The following TNFRSF10B variants were observed in gnomAD, a reference collection of about 807,000 sequenced individuals.
TNFRSF10B encodes tumor necrosis factor receptor superfamily member 10B.
Under a neutral mutation model 41.4 loss-of-function variants are expected in TNFRSF10B, and 35 were observed. That is an observed-to-expected ratio of 0.85 (90% CI 0.65 to 1.12). The LOEUF (loss-of-function observed/expected upper bound fraction) is 1.12. TNFRSF10B is among the 50% of genes most tolerant of loss of function. The pLI is 0.00. For synonymous variants in TNFRSF10B, 230 were observed against 215.5 expected (o/e 1.07, Z -0.59); for missense variants, 584 against 552.7 (o/e 1.06, Z -0.57).
rs1563302814 is a variant in TNFRSF10B at position 23,021,843 on chromosome 8, C to T, written c.*828G>A. 1 of 454,032 alleles carries T rather than the reference C, an allele frequency of 2.2e-6. No individual in the cohort carries two copies. Among genetic ancestry groups the T allele is most frequent in the African/African-American group, 2.0e-5 (1 of 50,014 alleles). 28.1% of individuals were successfully genotyped at this position (454,032 alleles called of 1,614,324 possible). A position where few individuals can be genotyped will look rare whatever the true frequency, so the allele number is the denominator to read the frequency against. On this transcript the variant is annotated 3_prime_UTR_variant, in exon 9 of 9. Transcript: ENST00000276431. ...GACATCTTACAGGGGACTTCTTCTTCTTCCCCCATTGTATGTCTCCTCCTT... is the reference window on the plus strand; with the variant it reads ...GACATCTTACAGGGGACTTCTTCTTTTTCCCCCATTGTATGTCTCCTCCTT...
At chr8:23,066,974 GCTTT>G (rs781368265) in intron 1 of TNFRSF10B, among the ~76,000 whole-genome samples, 24 of 151,890 alleles carry the variant, frequency 1.6e-4, no homozygotes, top group South Asian at 4.2e-4. Context: ...CTCTGTTGTG[GCTTT>G]CTTTCTTTCT....
In TNFRSF10B at chr8:23,043,210, C is replaced by T; in HGVS notation, c.178G>A (p.Asp60Asn). ...GCCGCTCTCTGCTGGGGAGCTAGGT[C>T]TTGTTGGGTGATCAGAGCAGACTCA... is the stretch of plus-strand genomic sequence containing the variant. ...SAESALITQQDLAPQQRAAPQ... is the reference protein window; with the variant it reads ...SAESALITQQNLAPQQRAAPQ... The change falls in exon 2 of 9, where the codon GAC becomes AAC. Residue 60 changes from aspartate to asparagine, a missense_variant. Transcript: ENST00000276431. 1.2e-6 allele frequency: 2 copies of T among 1,614,140 alleles called. No individual in the cohort carries two copies. The highest frequency in any genetic ancestry group is 1.7e-6 in the Non-Finnish European group (2 of 1,180,028).
In TNFRSF10B at chr8:23,042,917, A is replaced by G. The variant is rs977412065; in HGVS notation, c.250+221T>C. The stretch of plus-strand genomic sequence containing the variant: ...ACCAGCCCCATCTCTGTCCCACTCA[A>G]TTCTCTCTCAAGGTTCCTATCAGTT... On this transcript the variant is annotated intron_variant, in intron 2 of 8. Transcript: ENST00000276431. 17 of 520,602 alleles carry G rather than the reference A, an allele frequency of 3.3e-5. No individual in the cohort carries two copies. In the Admixed American group the frequency reaches 4.8e-4, roughly 15 times the overall value. The allele number at this position is 520,602 out of a possible 1,614,324, so 32.2% of individuals were successfully genotyped here.
intron 1 of TNFRSF10B, among the ~76,000 whole-genome samples, chr8:23,064,740 CTCT>C (rs535225964): frequency 7.7e-4 from 118 of 152,294 alleles, no homozygotes; most frequent in South Asian, 1.7e-3. Flanking sequence ...CCCGAGTAAC[CTCT>C]TCTTTCCTCT....
At position 23,022,527 on chromosome 8, in the gene TNFRSF10B, A is replaced by G. The variant is rs4529462; in HGVS notation, c.*144T>C. On this transcript the variant is annotated 3_prime_UTR_variant, in exon 9 of 9. Transcript: ENST00000276431. ...TGAAAAGTTACAGGATGTTCCATCC[A>G]CTGGGTGATGTTGGATGGGAGAGTT... is the stretch of plus-strand genomic sequence containing the variant. 1.1e-3 allele frequency: 896 copies of G among 844,990 alleles called. 11 individuals carry two copies. The African/African-American group carries it at 0.013, about 13-fold the overall frequency. 52.3% of individuals were successfully genotyped at this position (844,990 alleles called of 1,614,324 possible). A position where few individuals can be genotyped will look rare whatever the true frequency, so the allele number is the denominator to read the frequency against.
rs1214687173 is a variant in TNFRSF10B at position 23,021,694 on chromosome 8, A to G, written c.*977T>C. 1 of 454,032 alleles carries G rather than the reference A, an allele frequency of 2.2e-6. No homozygotes were observed. Among genetic ancestry groups the G allele is most frequent in the Non-Finnish European group, 4.4e-6 (1 of 226,804 alleles). 28.1% of individuals were successfully genotyped at this position (454,032 alleles called of 1,614,324 possible). A position where few individuals can be genotyped will look rare whatever the true frequency, so the allele number is the denominator to read the frequency against. On this transcript the variant is annotated 3_prime_UTR_variant, in exon 9 of 9. Coordinates refer to ENST00000276431, the MANE Select transcript of TNFRSF10B (RefSeq NM_003842.5). Reference sequence around the variant, plus strand: ...CTCTTTGGTCCCGACTCATATGTAAACAACTACCTATAAATAATACTCATA... The same window carrying G: ...CTCTTTGGTCCCGACTCATATGTAAGCAACTACCTATAAATAATACTCATA...
rs975649501 is a variant in TNFRSF10B at position 23,067,631 on chromosome 8, T to C, written c.144+1120A>G. On this transcript the variant is annotated intron_variant, in intron 1 of 8. Transcript: ENST00000276431. ...AGAGGCCCCTGTACACTCTCCTCAC[T>C]AGGACAGTTAGGTCCTCCCTCCACT... 2.0e-5 allele frequency among the ~76,000 whole-genome samples: 3 copies of C among 152,096 alleles called. No individual in the cohort carries two copies. In the South Asian group the frequency reaches 6.2e-4, roughly 32 times the overall value.
chr8:23,024,977 A>AAAAATAAAAT (rs145162519), intron 7 of TNFRSF10B, among the ~76,000 whole-genome samples: 1 of 151,976 alleles, frequency 6.6e-6, no homozygotes, highest in Non-Finnish European at 1.5e-5. Context: ...TCCTGTTTCT[A>AAAAATAAAAT]AAAATAAAAT....
chr8:23,027,864 A>C (rs1193615839), intron 5 of TNFRSF10B, 111 bp from the exon 6 acceptor site: 2 of 1,359,746 alleles, frequency 1.5e-6, no homozygotes, highest in Non-Finnish European at 2.1e-6. Context: ...CTGGACAAGG[A>C]GCCCTGGGGC....
chr8:23,020,297 T>C lies in TNFRSF10B; in HGVS notation c.*2374A>G. On this transcript the variant is annotated 3_prime_UTR_variant, in exon 9 of 9. Coordinates refer to ENST00000276431, the MANE Select transcript of TNFRSF10B (RefSeq NM_003842.5). ...CAACCACGAGTGACACACTATACTA[T>C]GGCTGTCCTGTGTCACATGCTATTT... 1 of 454,120 alleles carries C rather than the reference T, an allele frequency of 2.2e-6. No homozygotes were observed. Among genetic ancestry groups the C allele is most frequent in the Non-Finnish European group, 4.4e-6 (1 of 226,788 alleles). 28.1% of individuals were successfully genotyped at this position (454,120 alleles called of 1,614,324 possible).
chr8:23,065,940 C>A (rs1356548391), intron 1 of TNFRSF10B, among the ~76,000 whole-genome samples: 2 of 152,086 alleles, frequency 1.3e-5, no homozygotes, highest in Non-Finnish European at 2.9e-5. Context: ...CTAAAGCTTA[C>A]AAATATACTC....
chr8:23,023,131 A>G (rs1487131811), intron 8 of TNFRSF10B, 147 bp from the exon 9 acceptor site: 3 of 1,037,458 alleles, frequency 2.9e-6, no homozygotes, highest in Non-Finnish European at 4.3e-6. Flanking sequence ...CCCGCTTCCC[A>G]TCCACAGAGA....
chr8:23,067,743 G>T (rs1402321117), intron 1 of TNFRSF10B, among the ~76,000 whole-genome samples: 1 of 152,168 alleles, frequency 6.6e-6, no homozygotes, highest in Non-Finnish European at 1.5e-5. Flanking sequence ...AAACTCCAAT[G>T]CTTCACACTG....
chr8:23,040,103 C>T (rs1300347341), intron 2 of TNFRSF10B, among the ~76,000 whole-genome samples: 2 of 151,524 alleles, frequency 1.3e-5, no homozygotes, highest in South Asian at 2.1e-4. Context: ...ATCGCTTAAA[C>T]CCAGCAGCCA....
chr8:23,043,534 A>G (rs533793193), intron 1 of TNFRSF10B, among the ~76,000 whole-genome samples: 1 of 152,360 alleles, frequency 6.6e-6, no homozygotes, highest in Admixed American at 6.5e-5. Flanking sequence ...AGCTAAAGAT[A>G]GCATCCATTA....
chr8:23,048,246 G>A (rs1404144155), intron 1 of TNFRSF10B, among the ~76,000 whole-genome samples: 8 of 151,976 alleles, frequency 5.3e-5, no homozygotes. Context: ...GACCAGCCTG[G>A]CCAACATGGT....
intron 1 of TNFRSF10B, 146 bp from the exon 2 acceptor site, chr8:23,043,389 T>C (rs1015700843): frequency 3.0e-6 from 2 of 660,238 alleles, no homozygotes; most frequent in Non-Finnish European, 5.5e-6. Context: ...CATCCTTTAG[T>C]GTTTGTTTGT....
At chr8:23,024,390 A>G in intron 7 of TNFRSF10B, 130 bp from the exon 8 acceptor site, 1 of 1,002,234 alleles carries the variant, frequency 1.0e-6, no homozygotes, top group Non-Finnish European at 1.6e-6. Flanking sequence ...AAGGTCTGGC[A>G]ACAAGACAGG....
At position 23,044,311 on chromosome 8, in the gene TNFRSF10B, A is replaced by C. The variant is rs1271350026; in HGVS notation, c.145-1068T>G. On this transcript the variant is annotated intron_variant, in intron 1 of 8. Coordinates refer to ENST00000276431, the MANE Select transcript of TNFRSF10B (RefSeq NM_003842.5). ...AAAACACAAGCAATATAGGAAAAAA[A>C]GTAGATAAATTGCACTATGTAAAAA... Among the ~76,000 whole-genome samples, 3 of 152,264 alleles carry C rather than the reference A, an allele frequency of 2.0e-5. No homozygotes were observed. In the East Asian group the frequency reaches 5.8e-4, roughly 29 times the overall value.
Sources: allele counts gnomAD v4.1 joint callset (sites outside exome capture counted in the v4.1 genomes callset), GRCh38; gene constraint gnomAD v4.1.1; transcripts MANE v1.5; gene names NCBI Gene and HGNC (gene_info 2026-07-23, HGNC 2026-07-21).